The following ZNF268 variants were observed in gnomAD, a reference collection of about 807,000 sequenced individuals.
ZNF268 encodes the protein zinc finger protein 3.
A neutral mutation model predicts 29.3 loss-of-function variants in ZNF268; 20 were observed. The observed-to-expected ratio is 0.68, with a 90% confidence interval of 0.48 to 0.99. ZNF268 has a LOEUF of 0.99. ZNF268 is among the 50% of genes least tolerant of loss of function. ZNF268 has a pLI of 0.00. For missense variants in ZNF268, 1,240 were observed against 1,121.6 expected (o/e 1.11, Z -1.51); for synonymous variants, 429 against 376.9 (o/e 1.14, Z -1.60).
chr12:133,182,487 C>G (rs930937033), intron 2 of ZNF268, among the ~76,000 whole-genome samples: 1 of 151,988 alleles, frequency 6.6e-6, no homozygotes, highest in African/African-American at 2.4e-5. Flanking sequence ...GAACAGTGGT[C>G]TAGGAATGGT....
intron 2 of ZNF268, among the ~76,000 whole-genome samples, chr12:133,187,566 G>A (rs1593878899): frequency 6.6e-6 from 1 of 151,938 alleles, no homozygotes; most frequent in Non-Finnish European, 1.5e-5. Flanking sequence ...CTATTAAGAC[G>A]CCATTTGGTT....
intron 3 of ZNF268, 100 bp from the exon 4 acceptor site, chr12:133,191,389 T>G: frequency 7.1e-7 from 1 of 1,401,522 alleles, no homozygotes; most frequent in Non-Finnish European, 9.9e-7. Flanking sequence ...ACAATTTTTG[T>G]TCTCACAAAG....
rs1406530706 is a variant in ZNF268, at chr12:133,203,845, G to T, written c.2159G>T (p.Gly720Val). The T allele has an allele frequency of 2.6e-6, 4 of 1,565,746 alleles. No individual in the cohort carries two copies. Among genetic ancestry groups the T allele is most frequent in the Non-Finnish European group, 3.4e-6 (4 of 1,161,356 alleles). Residue 720 changes from glycine (G) to valine (V), a missense_variant, in exon 6 of 6, where the codon GGA (glycine) becomes GTA (valine). Physicochemically the swap from Gly to Val is moderately radical, Grantham distance 109. Transcript: ENST00000536435. Reference sequence around the variant, plus strand: ...ATTATACATATGAGAACTCATACAGGAGAGAAACCACATGAGTGCAGGGAA... The same window carrying T: ...ATTATACATATGAGAACTCATACAGTAGAGAAACCACATGAGTGCAGGGAA... ...YLIIHMRTHT[G>V]EKPHECRECG...
In ZNF268 at chr12:133,203,903, CATT is replaced by C; in HGVS notation, c.2218_2220del (p.Ile740del). 6.3e-7 allele frequency: 1 copy of C among 1,582,602 alleles called. No homozygotes were observed. The highest frequency in any genetic ancestry group is 8.6e-7 in the Non-Finnish European group (1 of 1,167,088). On this transcript the variant is annotated inframe_deletion, in exon 6 of 6. Coordinates refer to ENST00000536435, the MANE Select transcript of ZNF268 (RefSeq NM_003415.3). ...AATCCTTTAGTTTCAATTCACAACT[CATT>C]GTGCATCAGAGAATTCACACAGGAG...
chr12:133,192,191 T>A (rs1029055035), intron 5 of ZNF268, among the ~76,000 whole-genome samples, 188 bp downstream of exon 5: 24 of 151,134 alleles, frequency 1.6e-4, no homozygotes, highest in African/African-American at 5.4e-4. Flanking sequence ...CGCTGCATCC[T>A]CTGCCTCCTG....
chr12:133,191,210 G>A (rs1593890203), intron 3 of ZNF268, among the ~76,000 whole-genome samples: 2 of 151,780 alleles, frequency 1.3e-5, no homozygotes, highest in East Asian at 1.9e-4. Flanking sequence ...CCAGCTACTC[G>A]GGAGGCTGAG....
In ZNF268 at chr12:133,211,314, G is replaced by A. The variant is rs574606517; in HGVS notation, c.*6784G>A. On this transcript the variant is annotated 3_prime_UTR_variant, in exon 6 of 6. Transcript: ENST00000536435. The stretch of plus-strand genomic sequence containing the variant: ...ATACAGATGGTGGCCAGGCACGGTG[G>A]CTCACGCCTGTAATCCCAGCACTTT... The A allele has an allele frequency of 8.9e-6, 3 of 338,960 alleles. No homozygotes were observed. The East Asian group carries it at 2.4e-4, about 27-fold the overall frequency. The allele number at this position is 338,960 out of a possible 1,614,324, so 21.0% of individuals were successfully genotyped here.
Position 133,210,529 on chromosome 12 carries a change from C to T in ZNF268, c.*5999C>T. 1 of 274,652 alleles carries T rather than the reference C, an allele frequency of 3.6e-6. No homozygotes were observed. The highest frequency in any genetic ancestry group is 7.4e-6 in the Non-Finnish European group (1 of 135,644). The allele number at this position is 274,652 out of a possible 1,614,324, so 17.0% of individuals were successfully genotyped here. ...CTCCAGTCTTCACTGTGGTTGTGCC[C>T]CACAGTGGTCCTCAGGTTGGCCAGT... On this transcript the variant is annotated 3_prime_UTR_variant, in exon 6 of 6. Transcript: ENST00000536435.
intron 5 of ZNF268, among the ~76,000 whole-genome samples, chr12:133,201,485 C>T (rs1956751586): frequency 6.6e-6 from 1 of 152,048 alleles, no homozygotes; most frequent in African/African-American, 2.4e-5. Flanking sequence ...GCTCTATTTT[C>T]TGTCCTCTAG....
chr12:133,214,011 G>C lies in ZNF268; in HGVS notation c.*9481G>C, dbSNP rs1275073800. 2 of 151,754 alleles carry C rather than the reference G, an allele frequency of 1.3e-5. No individual in the cohort carries two copies. Among genetic ancestry groups the C allele is most frequent in the Non-Finnish European group, 2.9e-5 (2 of 67,984 alleles). 9.4% of individuals were successfully genotyped at this position (151,754 alleles called of 1,614,324 possible). A position where few individuals can be genotyped will look rare whatever the true frequency, so the allele number is the denominator to read the frequency against. On this transcript the variant is annotated 3_prime_UTR_variant, in exon 6 of 6. Transcript: ENST00000536435. Reference sequence around the variant, plus strand: ...CTCAAAAAAAAAAAAGGTGAATATAGGAGAAAAGACACTGTAAAATAATAT... The same window carrying C: ...CTCAAAAAAAAAAAAGGTGAATATACGAGAAAAGACACTGTAAAATAATAT...
intron 5 of ZNF268, among the ~76,000 whole-genome samples, 170 bp from the exon 6 acceptor site, chr12:133,201,974 G>A (rs1593920788): frequency 1.3e-5 from 2 of 151,948 alleles, no homozygotes; most frequent in East Asian, 3.9e-4. Flanking sequence ...ATTCAGATCT[G>A]ATATCTGAAA....
rs1403766541 is a variant in ZNF268 at position 133,207,373 on chromosome 12, T to G, written c.*2843T>G. The G allele has an allele frequency of 6.6e-6, 1 of 151,512 alleles. No homozygotes were observed. Among genetic ancestry groups the G allele is most frequent in the African/African-American group, 2.4e-5 (1 of 41,194 alleles). 9.4% of individuals were successfully genotyped at this position (151,512 alleles called of 1,614,324 possible). ...TTTGTGAACATAGGTTTAAAAATTCTAAATGGAATTATAGCAAACCAATGT... is the reference window on the plus strand; with the variant it reads ...TTTGTGAACATAGGTTTAAAAATTCGAAATGGAATTATAGCAAACCAATGT... On this transcript the variant is annotated 3_prime_UTR_variant, in exon 6 of 6. Transcript: ENST00000536435.
chr12:133,189,360 G>T lies in ZNF268; in HGVS notation c.234+1288G>T, dbSNP rs561409203. Among the ~76,000 whole-genome samples, 255 of 151,698 alleles carry T rather than the reference G, an allele frequency of 1.7e-3. 1 individual carries two copies. The highest frequency in any genetic ancestry group is 5.9e-3 in the African/African-American group (246 of 41,358). On this transcript the variant is annotated intron_variant, in intron 3 of 5. Transcript: ENST00000536435. ...CTCCCGAGTAGCTGGGACTACAGGT[G>T]CGCACTACCATACCCGGCTAATTTT... is the stretch of plus-strand genomic sequence containing the variant.
At chr12:133,192,308 G>A (rs756639250) in intron 5 of ZNF268, among the ~76,000 whole-genome samples, 3 of 151,784 alleles carry the variant, frequency 2.0e-5, no homozygotes, top group Admixed American at 6.6e-5. Flanking sequence ...GGGTTTTGCC[G>A]TGTTGGCCAG....
At chr12:133,185,110 A>C (rs1422265037) in intron 2 of ZNF268, among the ~76,000 whole-genome samples, 1 of 149,984 alleles carries the variant, frequency 6.7e-6, no homozygotes, top group Admixed American at 6.7e-5. Flanking sequence ...CTTGAACCCC[A>C]GGAGTAGGAG....
rs558082513 is a variant in ZNF268 at position 133,196,742 on chromosome 12, C to T, written c.457+4739C>T. 3.3e-5 allele frequency among the ~76,000 whole-genome samples: 5 copies of T among 151,630 alleles called. No homozygotes were observed. The East Asian group carries it at 9.6e-4, about 29-fold the overall frequency. ...ATAGGACCATTTAATAATATCACTC[C>T]TTCTCAAACCATTGTGAAAACCGAA... On this transcript the variant is annotated intron_variant, in intron 5 of 5. Coordinates refer to ENST00000536435, the MANE Select transcript of ZNF268 (RefSeq NM_003415.3).
In ZNF268 at chr12:133,191,700, A is replaced by G. The variant is rs1593891902; in HGVS notation, c.361+85A>G. On this transcript the variant is annotated intron_variant, in intron 4 of 5. Coordinates refer to ENST00000536435, the MANE Select transcript of ZNF268 (RefSeq NM_003415.3). Reference sequence around the variant, plus strand: ...GAAAACTGGAGGGCTTCTATGAAATACTTAGTGATTTTGGACTTAGATTTT... The same window carrying G: ...GAAAACTGGAGGGCTTCTATGAAATGCTTAGTGATTTTGGACTTAGATTTT... 5.1e-6 allele frequency: 8 copies of G among 1,572,216 alleles called. No individual in the cohort carries two copies. The East Asian group carries it at 1.8e-4, about 36-fold the overall frequency.
chr12:133,194,684 T>C (rs1025185817), intron 5 of ZNF268, among the ~76,000 whole-genome samples: 1 of 152,174 alleles, frequency 6.6e-6, no homozygotes, highest in Non-Finnish European at 1.5e-5. Context: ...GCTTTACCTT[T>C]TGGAAGCGGG....
chr12:133,190,957 C>G (rs1410066223), intron 3 of ZNF268, among the ~76,000 whole-genome samples: 1 of 152,022 alleles, frequency 6.6e-6, no homozygotes, highest in Non-Finnish European at 1.5e-5. Context: ...GCCTGACTGT[C>G]CTGCCTTTAG....
Sources: allele counts gnomAD v4.1 joint callset (sites outside exome capture counted in the v4.1 genomes callset), GRCh38; gene constraint gnomAD v4.1.1; transcripts MANE v1.5; gene names NCBI Gene and HGNC (gene_info 2026-07-23, HGNC 2026-07-21).